Variants in TTC23 observed in about 807,000 individuals in gnomAD.
TTC23 encodes tetratricopeptide repeat protein 23.
Under a neutral mutation model 55.1 loss-of-function variants are expected in TTC23, and 58 were observed. The ratio of observed to expected loss-of-function variants is 1.05; its 90% CI spans 0.85 to 1.31. The LOEUF is 1.31. TTC23 is among the 50% of genes most tolerant of loss of function. TTC23 has a pLI of 0.00. For missense variants in TTC23, 516 were observed against 534.4 expected (o/e 0.97, Z 0.34); for synonymous variants, 203 against 199.9 (o/e 1.02, Z -0.13).
intron 9 of TTC23, among the ~76,000 whole-genome samples, chr15:99,196,439 T>C (rs1418265761): frequency 6.6e-6 from 1 of 152,186 alleles, no homozygotes; most frequent in Non-Finnish European, 1.5e-5. Context: ...AAGGTTTTTG[T>C]ATAAGAATAT....
chr15:99,170,747 G>A (rs2072810627), intron 10 of TTC23, among the ~76,000 whole-genome samples: 1 of 152,220 alleles, frequency 6.6e-6, no homozygotes, highest in South Asian at 2.1e-4. Flanking sequence ...CATTGGCCAC[G>A]TGAGGGGACA....
chr15:99,231,578 C>T lies in TTC23; in HGVS notation c.-20-2846G>A, dbSNP rs147186158. 6.5e-3 allele frequency among the ~76,000 whole-genome samples: 991 copies of T among 151,994 alleles called. 9 individuals are homozygous for T. Among genetic ancestry groups the T allele is most frequent in the Non-Finnish European group, 0.01 (682 of 67,960 alleles). ...CACGATCTCGGCTCACTGCAAGCTC[C>T]GCCTCCCGGGTTCACACCATTCTCC... On this transcript the variant is annotated intron_variant, in intron 4 of 13. Coordinates refer to ENST00000394132, the MANE Select transcript of TTC23 (RefSeq NM_001288615.3).
chr15:99,202,243 C>T (rs534102972), intron 8 of TTC23, among the ~76,000 whole-genome samples: 2 of 152,150 alleles, frequency 1.3e-5, no homozygotes, highest in East Asian at 1.9e-4. Context: ...CCTAATTTAG[C>T]CTAGAGAACT....
At chr15:99,197,824 T>G (rs1440962225) in intron 9 of TTC23, among the ~76,000 whole-genome samples, 1 of 151,538 alleles carries the variant, frequency 6.6e-6, no homozygotes, top group Non-Finnish European at 1.5e-5. Flanking sequence ...GAGAATTGCT[T>G]GAACCCAGGA....
intron 4 of TTC23, among the ~76,000 whole-genome samples, chr15:99,229,153 A>C (rs1358411532): frequency 1.3e-5 from 2 of 152,030 alleles, no homozygotes; most frequent in Non-Finnish European, 2.9e-5. Flanking sequence ...ATATATATAT[A>C]TATATCTAAA....
At chr15:99,240,688 CTCTGTATCCATTTCTCT>C (rs2079705209) in intron 3 of TTC23, among the ~76,000 whole-genome samples, 3 of 152,200 alleles carry the variant, frequency 2.0e-5, no homozygotes, top group African/African-American at 7.2e-5. Context: ...GAAAGTAGGT[CTCTGTATCCATTTCTCT>C]CTTTCAAAGT....
chr15:99,158,483 A>C (rs1238735836), intron 11 of TTC23: 1 of 152,240 alleles, frequency 6.6e-6, no homozygotes, highest in African/African-American at 2.4e-5. Context: ...GGAAAAGCTT[A>C]AGAGAGAGGA....
At chr15:99,250,955 G>T (rs1010901026), upstream of TTC23, among the ~76,000 whole-genome samples, 1 of 152,158 alleles carries the variant, frequency 6.6e-6, no homozygotes, top group African/African-American at 2.4e-5. Context: ...GGCGCTGTTA[G>T]TCCCTGTGTC....
chr15:99,231,355 T>C (rs1190659489), intron 4 of TTC23, among the ~76,000 whole-genome samples: 1 of 152,230 alleles, frequency 6.6e-6, no homozygotes, highest in Non-Finnish European at 1.5e-5. Flanking sequence ...GGTATTCCAT[T>C]ATCATCATAG....
rs974836593 is a variant in TTC23 at position 99,228,445 on chromosome 15, G to C, written c.180+88C>G. 7.4e-6 allele frequency: 9 copies of C among 1,220,026 alleles called. No homozygotes were observed. In the Admixed American group the frequency reaches 1.5e-4, roughly 20 times the overall value. 75.6% of individuals were successfully genotyped at this position (1,220,026 alleles called of 1,614,324 possible). ...TCTTGTATCAAACTGCTGAGATTAG[G>C]AATGTAATCCAAAACATTCTACTTC... On this transcript the variant is annotated intron_variant, in intron 5 of 13. Transcript: ENST00000394132.
chr15:99,221,500 A>G (rs1333104041), intron 6 of TTC23, among the ~76,000 whole-genome samples: 4 of 152,188 alleles, frequency 2.6e-5, no homozygotes, highest in Admixed American at 2.6e-4. Flanking sequence ...TTACTTTTGA[A>G]ATCATAAAAA....
intron 11 of TTC23, chr15:99,157,706 T>C (rs2070805248): frequency 6.6e-6 from 1 of 152,188 alleles, no homozygotes; most frequent in South Asian, 2.1e-4. Context: ...TGACATTTTG[T>C]TTGGTTTATC....
At chr15:99,223,184 T>C (rs2078097015) in intron 5 of TTC23, among the ~76,000 whole-genome samples, 3 of 152,216 alleles carry the variant, frequency 2.0e-5, no homozygotes, top group Admixed American at 1.3e-4. Flanking sequence ...CTTTGCTTTC[T>C]GTCTCTTCTT....
chr15:99,144,169 T>C (rs782623050), intron 12 of TTC23, among the ~76,000 whole-genome samples: 2 of 152,166 alleles, frequency 1.3e-5, no homozygotes, highest in Non-Finnish European at 2.9e-5. Context: ...CAGAATTCTT[T>C]TTGACATGAC....
intron 5 of TTC23, among the ~76,000 whole-genome samples, chr15:99,227,120 T>C (rs193025067): frequency 1.3e-3 from 191 of 152,330 alleles, no homozygotes; most frequent in Non-Finnish European, 2.2e-3. Context: ...AGGTTCTGAG[T>C]GAGTATCTGT....
At chr15:99,156,933 T>C (rs1472397028) in intron 11 of TTC23, among the ~76,000 whole-genome samples, 2 of 152,188 alleles carry the variant, frequency 1.3e-5, no homozygotes, top group Non-Finnish European at 2.9e-5. Context: ...GGATCAGTCC[T>C]CACATGTCAC....
intron 3 of TTC23, among the ~76,000 whole-genome samples, chr15:99,237,681 T>C (rs2079433318): frequency 6.6e-6 from 1 of 152,096 alleles, no homozygotes; most frequent in East Asian, 1.9e-4. Flanking sequence ...GGGAGGAAGA[T>C]GTAGGAAAGG....
chr15:99,174,649 C>A (rs747257124), intron 10 of TTC23, among the ~76,000 whole-genome samples: 2 of 152,206 alleles, frequency 1.3e-5, no homozygotes, highest in Admixed American at 6.5e-5. Context: ...GTAAGTTCAT[C>A]CTGATGGAAA....
intron 8 of TTC23, among the ~76,000 whole-genome samples, chr15:99,202,963 T>A (rs2076317815): frequency 1.3e-5 from 2 of 152,202 alleles, no homozygotes; most frequent in South Asian, 4.1e-4. Context: ...GTATTAAATG[T>A]CTACACATAA....
Sources: allele counts gnomAD v4.1 joint callset (sites outside exome capture counted in the v4.1 genomes callset), GRCh38; gene constraint gnomAD v4.1.1; transcripts MANE v1.5; gene names NCBI Gene and HGNC (gene_info 2026-07-23, HGNC 2026-07-21).